Variants in COL23A1 observed in about 807,000 individuals in gnomAD.
COL23A1 encodes the protein collagen alpha-1(XXIII) chain.
In COL23A1, 97 loss-of-function variants were observed where a neutral mutation model predicts 99.3. The ratio of observed to expected loss-of-function variants is 0.98; its 90% CI spans 0.83 to 1.16. The LOEUF (loss-of-function observed/expected upper bound fraction) is 1.16. Among genes scored for constraint, COL23A1 ranks in the 50% most tolerant of loss-of-function variants. The pLI is 0.00. For missense variants in COL23A1, 762 were observed against 757.4 expected (o/e 1.01, Z -0.07); for synonymous variants, 320 against 308.2 (o/e 1.04, Z -0.40).
intron 1 of COL23A1, among the ~76,000 whole-genome samples, chr5:178,573,215 C>A (rs1459419030): frequency 9.9e-5 from 15 of 151,078 alleles, no homozygotes; most frequent in African/African-American, 3.2e-4. Flanking sequence ...AATTATACTT[C>A]AAAAAAAAAG....
chr5:178,374,644 T>C (rs2127726690), intron 2 of COL23A1, among the ~76,000 whole-genome samples: 1 of 152,314 alleles, frequency 6.6e-6, no homozygotes, highest in East Asian at 1.9e-4. Flanking sequence ...TGTCCAGCTT[T>C]AGTAAGCGCT....
chr5:178,352,908 GAGAAA>G (rs1561889254), intron 2 of COL23A1, among the ~76,000 whole-genome samples: 3 of 152,188 alleles, frequency 2.0e-5, no homozygotes, highest in Admixed American at 1.3e-4. Flanking sequence ...TTTCCCACTT[GAGAAA>G]AGAAGAGTTG....
At chr5:178,360,290 A>C (rs1017626695) in intron 2 of COL23A1, among the ~76,000 whole-genome samples, 3 of 152,272 alleles carry the variant, frequency 2.0e-5, no homozygotes, top group Non-Finnish European at 2.9e-5. Context: ...AAGTAGAATA[A>C]GAATAGAAAC....
rs117387598 is a variant in COL23A1 at position 178,323,085 on chromosome 5, G to A, written c.362-16166C>T. Among the ~76,000 whole-genome samples, 149 of 152,178 alleles carry A rather than the reference G, an allele frequency of 9.8e-4. 2 individuals are homozygous for A. The East Asian group carries it at 0.02, about 21-fold the overall frequency. ...GCATGTGGCGCTGTAGGAGTAGGGGGTCGCAAGTGGGCAGGGGCCTGGATC... is the reference window on the plus strand; with the variant it reads ...GCATGTGGCGCTGTAGGAGTAGGGGATCGCAAGTGGGCAGGGGCCTGGATC... On this transcript the variant is annotated intron_variant, in intron 2 of 28. Transcript: ENST00000390654.
At chr5:178,440,899 G>A (rs1766828755) in intron 2 of COL23A1, among the ~76,000 whole-genome samples, 2 of 152,142 alleles carry the variant, frequency 1.3e-5, no homozygotes, top group Non-Finnish European at 1.5e-5. Context: ...TTACATGCAT[G>A]AGCCACCATG....
intron 2 of COL23A1, among the ~76,000 whole-genome samples, chr5:178,452,840 G>T (rs1356754590): frequency 6.6e-6 from 1 of 152,174 alleles, no homozygotes; most frequent in Admixed American, 6.5e-5. Flanking sequence ...ATAGAACCTT[G>T]ATAATAAACA....
intron 2 of COL23A1, among the ~76,000 whole-genome samples, chr5:178,443,940 G>A (rs1450406887): frequency 6.6e-6 from 1 of 152,086 alleles, no homozygotes; most frequent in African/African-American, 2.4e-5. Flanking sequence ...AGAGGCTCAC[G>A]CCTGTAATCC....
At chr5:178,551,700 C>T (rs891687549) in intron 2 of COL23A1, among the ~76,000 whole-genome samples, 3 of 152,142 alleles carry the variant, frequency 2.0e-5, no homozygotes, top group African/African-American at 7.2e-5. Context: ...TGCCTGGCAC[C>T]GTGCTGGATT....
chr5:178,498,186 G>A (rs560373318), intron 2 of COL23A1, among the ~76,000 whole-genome samples: 16 of 126,272 alleles, frequency 1.3e-4, no homozygotes, highest in African/African-American at 2.9e-4. Context: ...GCAACATGGC[G>A]AGACCCTGTC....
chr5:178,481,148 A>AAAAC (rs1757317309), intron 2 of COL23A1, among the ~76,000 whole-genome samples: 3 of 140,646 alleles, frequency 2.1e-5, no homozygotes, highest in African/African-American at 9.2e-5. Context: ...AAAAAAAAAA[A>AAAAC]AAGAAAGAAA....
intron 2 of COL23A1, among the ~76,000 whole-genome samples, chr5:178,359,930 G>A (rs1319538589): frequency 6.6e-6 from 1 of 152,200 alleles, no homozygotes; most frequent in Non-Finnish European, 1.5e-5. Context: ...GGGCTGCAGA[G>A]GAGGTCCGTG....
chr5:178,548,955 C>A (rs902887659), intron 2 of COL23A1, among the ~76,000 whole-genome samples: 1 of 152,072 alleles, frequency 6.6e-6, no homozygotes, highest in South Asian at 2.1e-4. Flanking sequence ...ATTGTAGAAA[C>A]GACAGTCACA....
chr5:178,396,897 G>T (rs989733122), intron 2 of COL23A1, among the ~76,000 whole-genome samples: 8 of 152,236 alleles, frequency 5.3e-5, no homozygotes, highest in African/African-American at 1.9e-4. Flanking sequence ...GTTTGGCGTG[G>T]ACTTCAAAGA....
Position 178,306,712 on chromosome 5 carries a change from G to A in COL23A1, c.406+163C>T, listed in dbSNP as rs545112988. 5.9e-5 allele frequency among the ~76,000 whole-genome samples: 9 copies of A among 152,166 alleles called. No individual in the cohort carries two copies. The highest frequency in any genetic ancestry group is 7.4e-5 in the Non-Finnish European group (5 of 67,980). On this transcript the variant is annotated intron_variant, in intron 3 of 28. Transcript: ENST00000390654. This position sits in a 1 kb window ranked among gnomAD's most constrained non-coding sequence, Gnocchi z 4.1. ...CCGGAAAGGCAGTACTGGGTGCTGC[G>A]GCCTCAGGAAACGGCAGCTGGACTT...
chr5:178,282,075 G>T (rs1442796364), intron 5 of COL23A1, among the ~76,000 whole-genome samples: 2 of 88,456 alleles, frequency 2.3e-5, no homozygotes, highest in East Asian at 2.3e-4. Context: ...AAAAGATGGG[G>T]TTTTGCCATA....
chr5:178,388,922 T>C (rs1194982336), intron 2 of COL23A1, among the ~76,000 whole-genome samples: 1 of 152,224 alleles, frequency 6.6e-6, no homozygotes. Context: ...GAGGGGATTA[T>C]ACGATAAGAT....
intron 2 of COL23A1, among the ~76,000 whole-genome samples, chr5:178,389,603 C>G (rs758879303): frequency 1.3e-5 from 2 of 152,194 alleles, no homozygotes; most frequent in Non-Finnish European, 2.9e-5. Context: ...CCCTCCACCC[C>G]CAAGTCGTAG....
intron 2 of COL23A1, among the ~76,000 whole-genome samples, chr5:178,414,633 A>T (rs1352046591): frequency 1.3e-5 from 2 of 152,140 alleles, no homozygotes; most frequent in African/African-American, 4.8e-5. Context: ...TTAGCTGGGC[A>T]TGGTAGTGTG....
intron 2 of COL23A1, among the ~76,000 whole-genome samples, chr5:178,501,210 TTTC>T (rs1758515344): frequency 6.6e-6 from 1 of 152,160 alleles, no homozygotes; most frequent in African/African-American, 2.4e-5. Context: ...TTTTCTGGCT[TTTC>T]TTTTTACCTC....
Sources: allele counts gnomAD v4.1 joint callset (sites outside exome capture counted in the v4.1 genomes callset), GRCh38; gene constraint gnomAD v4.1.1; non-coding constraint Gnocchi (gnomAD v3.1); transcripts MANE v1.5; gene names NCBI Gene and HGNC (gene_info 2026-07-23, HGNC 2026-07-21).